Variants in NCAM1 observed in about 807,000 individuals in gnomAD.
The protein encoded by NCAM1 is neural cell adhesion molecule 1.
NCAM1 carries 14 observed loss-of-function variants against 109.8 expected under a neutral mutation model. That is an observed-to-expected ratio of 0.13 (90% CI 0.08 to 0.20). NCAM1 has a LOEUF of 0.20. Among genes scored for constraint, NCAM1 ranks in the 10% least tolerant of loss-of-function variants. The pLI, the probability that NCAM1 is intolerant of heterozygous loss-of-function variation, is 1.00. For synonymous variants in NCAM1, 418 were observed against 442.9 expected, an observed-to-expected ratio of 0.94 and a Z score of 0.70; for missense variants, 774 against 1,109.9, an observed-to-expected ratio of 0.70 and a Z score of 4.30.
At chr11:113,179,114 G>A (rs782102453) in intron 1 of NCAM1, among the ~76,000 whole-genome samples, 73 of 152,322 alleles carry the variant, frequency 4.8e-4, no homozygotes, top group Non-Finnish European at 9.3e-4. Context: ...ATGGGTGAAT[G>A]CTACAAATCA....
At chr11:113,105,110 G>A (rs1940095244) in intron 1 of NCAM1, among the ~76,000 whole-genome samples, 1 of 152,238 alleles carries the variant, frequency 6.6e-6, no homozygotes, top group Non-Finnish European at 1.5e-5. Context: ...TGCACTTCAT[G>A]TTGGAGGAAA....
chr11:113,188,115 A>G (rs1301171340), intron 1 of NCAM1, among the ~76,000 whole-genome samples: 1 of 152,196 alleles, frequency 6.6e-6, no homozygotes, highest in African/African-American at 2.4e-5. Context: ...TAACATATTC[A>G]GAAAGCTCAC....
chr11:113,034,232 A>C (rs782735168), intron 1 of NCAM1, among the ~76,000 whole-genome samples: 2 of 152,162 alleles, frequency 1.3e-5, no homozygotes, highest in Non-Finnish European at 2.9e-5. Context: ...GTACCTGGGC[A>C]AAGAAACTCT....
chr11:113,262,874 C>T (rs2137682136), intron 17 of NCAM1: 3 of 1,613,954 alleles, frequency 1.9e-6, no homozygotes, highest in Non-Finnish European at 1.7e-6. Context: ...CTGCATCCTA[C>T]ACCTTTGTCT....
intron 1 of NCAM1, among the ~76,000 whole-genome samples, chr11:113,126,209 AAAT>A (rs1232296404): frequency 5.3e-5 from 8 of 151,726 alleles, no homozygotes; most frequent in Non-Finnish European, 8.8e-5. Context: ...TAACAACAAC[AAAT>A]AATAATAATA....
chr11:113,220,589 T>C (rs1462506351), intron 8 of NCAM1, among the ~76,000 whole-genome samples: 1 of 132,994 alleles, frequency 7.5e-6, no homozygotes, highest in East Asian at 2.3e-4. Context: ...ACCTATTCTC[T>C]CTCTCTCTCT....
chr11:113,081,398 T>C (rs1044660372), intron 1 of NCAM1, among the ~76,000 whole-genome samples: 1 of 152,076 alleles, frequency 6.6e-6, no homozygotes, highest in African/African-American at 2.4e-5. Context: ...ATAGAGGAAG[T>C]CAGGAGACAC....
chr11:113,169,536 A>G lies in NCAM1; in HGVS notation c.53-32843A>G, dbSNP rs192630490. 2.0e-5 allele frequency among the ~76,000 whole-genome samples: 3 copies of G among 152,220 alleles called. No individual in the cohort carries two copies. The East Asian group carries it at 5.8e-4, about 29-fold the overall frequency. ...GATTATTGTTTAGGCTCTTGAGTGT[A>G]AGATGACAGTTGGTTCTATGAACAC... On this transcript the variant is annotated intron_variant, in intron 1 of 19. Transcript: ENST00000316851.
At chr11:112,997,617 T>A (rs1280876378) in intron 1 of NCAM1, among the ~76,000 whole-genome samples, 3 of 152,160 alleles carry the variant, frequency 2.0e-5, no homozygotes, top group South Asian at 2.1e-4. Flanking sequence ...AGATACACGT[T>A]ACCATATGTA....
intron 1 of NCAM1, among the ~76,000 whole-genome samples, chr11:113,118,977 T>C (rs1240582174): frequency 6.6e-6 from 1 of 151,976 alleles, no homozygotes; most frequent in Non-Finnish European, 1.5e-5. Flanking sequence ...ATAAGAAATA[T>C]TTAAATTACC....
At chr11:113,081,594 G>T (rs1347766562) in intron 1 of NCAM1, among the ~76,000 whole-genome samples, 4 of 152,018 alleles carry the variant, frequency 2.6e-5, no homozygotes, top group African/African-American at 9.7e-5. Flanking sequence ...GAGTGCAGTG[G>T]CACGATCTCG....
chr11:113,105,176 GCT>G (rs1352770729), intron 1 of NCAM1, among the ~76,000 whole-genome samples: 1 of 152,186 alleles, frequency 6.6e-6, no homozygotes, highest in Non-Finnish European at 1.5e-5. Flanking sequence ...CTCATCCTTG[GCT>G]ATGTGCAGTT....
intron 1 of NCAM1, chr11:112,977,521 T>A (rs1951038225): frequency 6.6e-6 from 1 of 151,850 alleles, no homozygotes; most frequent in Non-Finnish European, 1.5e-5. Flanking sequence ...TGAAGTGCAA[T>A]TTCTTAATAG....
chr11:112,989,730 C>T (rs1431973955), intron 1 of NCAM1, among the ~76,000 whole-genome samples: 3 of 152,106 alleles, frequency 2.0e-5, no homozygotes, highest in African/African-American at 7.2e-5. Context: ...TTTGAAGGAG[C>T]AAACATATCT....
At chr11:113,204,831 C>T (rs1944187646) in intron 3 of NCAM1, among the ~76,000 whole-genome samples, 1 of 152,124 alleles carries the variant, frequency 6.6e-6, no homozygotes, top group Non-Finnish European at 1.5e-5. Flanking sequence ...TTTCCCTCTC[C>T]CCTGCTGGTA....
intron 1 of NCAM1, among the ~76,000 whole-genome samples, chr11:113,101,798 A>AGGG (rs1939888454): frequency 2.0e-5 from 3 of 152,212 alleles, no homozygotes; most frequent in Non-Finnish European, 4.4e-5. Context: ...CCATTGGGAA[A>AGGG]CTGAGGCCCA....
In NCAM1 at chr11:113,093,477, C is replaced by T. The variant is rs568151556; in HGVS notation, c.53-108902C>T. Among the ~76,000 whole-genome samples the T allele has an allele frequency of 4.3e-4, 65 of 152,248 alleles. No individual in the cohort carries two copies. The South Asian group carries it at 5.8e-3, about 14-fold the overall frequency. On this transcript the variant is annotated intron_variant, in intron 1 of 19. Coordinates refer to ENST00000316851, the MANE Select transcript of NCAM1 (RefSeq NM_181351.5). Reference sequence around the variant, plus strand: ...AGTTCACATCCTGGTCTTCCTCCTTCCTCCGGCCCCACAACTCTCATTCAG... The same window carrying T: ...AGTTCACATCCTGGTCTTCCTCCTTTCTCCGGCCCCACAACTCTCATTCAG...
chr11:113,201,870 A>C (rs1213445102), intron 1 of NCAM1, among the ~76,000 whole-genome samples: 1 of 152,158 alleles, frequency 6.6e-6, no homozygotes, highest in Non-Finnish European at 1.5e-5. Flanking sequence ...GAGCCCTCCT[A>C]GTGATTGTGT....
In NCAM1 at chr11:113,206,006, C is replaced by T. The variant is rs782125672; in HGVS notation, c.491-37C>T. The T allele has an allele frequency of 1.7e-5, 27 of 1,612,876 alleles. No individual in the cohort carries two copies. In the East Asian group the frequency reaches 6.0e-4, roughly 36 times the overall value. On this transcript the variant is annotated intron_variant, in intron 4 of 19. Coordinates refer to ENST00000316851, the MANE Select transcript of NCAM1 (RefSeq NM_181351.5). ...CCACCTGCCTGCAGATGCTCTCTGA[C>T]TGATTCTTGGATGAACCTGCCTCTT...
Sources: allele counts gnomAD v4.1 joint callset (sites outside exome capture counted in the v4.1 genomes callset), GRCh38; gene constraint gnomAD v4.1.1; transcripts MANE v1.5; gene names NCBI Gene and HGNC (gene_info 2026-07-23, HGNC 2026-07-21).